The following KIF26B variants were observed in gnomAD, a reference collection of about 807,000 sequenced individuals.
KIF26B encodes the protein kinesin-like protein KIF26B.
Under a neutral mutation model 151.2 loss-of-function variants are expected in KIF26B, and 63 were observed. That is an observed-to-expected ratio of 0.42 (90% CI 0.34 to 0.51). The LOEUF is 0.51. Among genes scored for constraint, KIF26B ranks in the 20% least tolerant of loss-of-function variants. The pLI, the probability that KIF26B is intolerant of heterozygous loss-of-function variation, is 0.07. For missense variants in KIF26B, 2,813 were observed against 2,913.6 expected, an observed-to-expected ratio of 0.97 and a Z score of 0.79; for synonymous variants, 1,357 against 1,262.1, an observed-to-expected ratio of 1.08 and a Z score of -1.59.
At chr1:245,226,952 C>T (rs992967281) in intron 2 of KIF26B, among the ~76,000 whole-genome samples, 4 of 152,318 alleles carry the variant, frequency 2.6e-5, no homozygotes, top group East Asian at 1.9e-4. Context: ...GGCACCCTCA[C>T]GGACATCCAG....
chr1:245,340,247 A>G (rs1424920785), intron 2 of KIF26B, among the ~76,000 whole-genome samples: 3 of 152,226 alleles, frequency 2.0e-5, no homozygotes, highest in African/African-American at 7.2e-5. Flanking sequence ...TAACCCAGGT[A>G]CGTCCTCCGG....
chr1:245,339,976 C>T (rs1480072444), intron 2 of KIF26B, among the ~76,000 whole-genome samples: 7 of 152,252 alleles, frequency 4.6e-5, no homozygotes, highest in Admixed American at 1.3e-4. Context: ...GGGGTTTGAA[C>T]AACCTCCCTA....
intron 2 of KIF26B, among the ~76,000 whole-genome samples, chr1:245,160,765 AG>A (rs1668518225): frequency 6.6e-6 from 1 of 152,212 alleles, no homozygotes; most frequent in African/African-American, 2.4e-5. Context: ...CATACTGAGA[AG>A]GGTGGCCAGG....
At chr1:245,466,473 G>A (rs1659795515) in intron 4 of KIF26B, among the ~76,000 whole-genome samples, 1 of 152,198 alleles carries the variant, frequency 6.6e-6, no homozygotes, top group African/African-American at 2.4e-5. Flanking sequence ...GATTTACAAG[G>A]TAAATCAAAG....
intron 2 of KIF26B, among the ~76,000 whole-genome samples, chr1:245,362,079 G>A (rs1374540084): frequency 6.6e-6 from 1 of 151,720 alleles, no homozygotes; most frequent in East Asian, 1.9e-4. Flanking sequence ...GCAAACTCCT[G>A]CTGTGTAGAT....
At chr1:245,324,432 G>A (rs1035641709) in intron 2 of KIF26B, among the ~76,000 whole-genome samples, 1 of 152,168 alleles carries the variant, frequency 6.6e-6, no homozygotes, top group Non-Finnish European at 1.5e-5. Context: ...ACAATAAACA[G>A]TCAAAATGTT....
intron 4 of KIF26B, among the ~76,000 whole-genome samples, chr1:245,466,178 G>A (rs1014006467): frequency 5.3e-5 from 5 of 93,698 alleles, no homozygotes; most frequent in African/African-American, 9.7e-5. Flanking sequence ...GATTTAGATC[G>A]ATGGGAATGT....
chr1:245,171,947 T>C (rs942510686), intron 2 of KIF26B, among the ~76,000 whole-genome samples: 2 of 152,204 alleles, frequency 1.3e-5, no homozygotes, highest in African/African-American at 2.4e-5. Flanking sequence ...AATGTGAGTA[T>C]CCAAGCTCCC....
chr1:245,510,284 C>T (rs1344132192), intron 4 of KIF26B, among the ~76,000 whole-genome samples: 1 of 152,154 alleles, frequency 6.6e-6, no homozygotes, highest in African/African-American at 2.4e-5. Flanking sequence ...TAGACAATTT[C>T]ACTTAGAAAA....
rs574952928 is a variant in KIF26B at position 245,698,330 on chromosome 1, C to G, written c.6027+22C>G. ...CAAGGTGAGGCAGCCTCCTTCCCAC[C>G]CCCTGCCTACGTGGTGGCAGCTCCC... On this transcript the variant is annotated intron_variant, in intron 13 of 14. Coordinates refer to ENST00000407071, the MANE Select transcript of KIF26B (RefSeq NM_018012.4). The surrounding 1 kb of genome is among the most constrained non-coding windows in gnomAD (Gnocchi z 4.0). 1 of 1,603,808 alleles carries G rather than the reference C, an allele frequency of 6.2e-7. No individual in the cohort carries two copies. Among genetic ancestry groups the G allele is most frequent in the East Asian group, 2.2e-5 (1 of 44,774 alleles).
intron 10 of KIF26B, among the ~76,000 whole-genome samples, chr1:245,665,316 C>G (rs2044200547): frequency 6.6e-6 from 1 of 152,174 alleles, no homozygotes; most frequent in Non-Finnish European, 1.5e-5. Context: ...ATTTAGATGA[C>G]TTGTTTCCAA....
In KIF26B at chr1:245,507,509, G is replaced by A. The variant is rs535917245; in HGVS notation, c.1167-33258G>A. 6.4e-4 allele frequency among the ~76,000 whole-genome samples: 97 copies of A among 152,338 alleles called. 1 individual carries two copies. Among genetic ancestry groups the A allele is most frequent in the Middle Eastern group, 3.4e-3 (1 of 292 alleles). ...AGTCTTTGGATGTGAACCACCTTGGGAAGGGCAGGCCCTTGGCCTTCTGCA... is the reference window on the plus strand; with the variant it reads ...AGTCTTTGGATGTGAACCACCTTGGAAAGGGCAGGCCCTTGGCCTTCTGCA... On this transcript the variant is annotated intron_variant, in intron 4 of 14. Coordinates refer to ENST00000407071, the MANE Select transcript of KIF26B (RefSeq NM_018012.4).
chr1:245,520,512 TCATC>T (rs72448876), intron 4 of KIF26B, among the ~76,000 whole-genome samples: 55 of 149,700 alleles, frequency 3.7e-4, no homozygotes, highest in Non-Finnish European at 4.6e-4. Context: ...CACAATCTAT[TCATC>T]CATCCATCCA....
chr1:245,411,784 T>C (rs1173336118), intron 3 of KIF26B, among the ~76,000 whole-genome samples: 1 of 152,152 alleles, frequency 6.6e-6, no homozygotes, highest in Non-Finnish European at 1.5e-5. Context: ...GACTCATACA[T>C]AGAAAGGGAC....
intron 2 of KIF26B, among the ~76,000 whole-genome samples, chr1:245,303,223 G>C (rs1398951979): frequency 7.4e-6 from 1 of 135,012 alleles, no homozygotes; most frequent in Non-Finnish European, 1.5e-5. Context: ...TTTTGCGACG[G>C]AGTCTCGCTT....
intron 14 of KIF26B, 132 bp downstream of exon 14, chr1:245,699,169 G>A (rs2044735623): frequency 1.0e-6 from 1 of 981,188 alleles, no homozygotes; most frequent in Non-Finnish European, 1.5e-6. Context: ...ATCAAATGGA[G>A]GAAGTTGCAC....
intron 4 of KIF26B, among the ~76,000 whole-genome samples, chr1:245,513,388 G>A (rs1660880767): frequency 6.6e-6 from 1 of 152,132 alleles, no homozygotes; most frequent in Non-Finnish European, 1.5e-5. Context: ...AAATACTAGA[G>A]TCAAGGTGAA....
At chr1:245,464,466 C>G (rs1025627286) in intron 4 of KIF26B, among the ~76,000 whole-genome samples, 1 of 123,780 alleles carries the variant, frequency 8.1e-6, no homozygotes, top group Non-Finnish European at 1.7e-5. Context: ...TGTGTGCGTG[C>G]GCGTGTGGGG....
intron 4 of KIF26B, among the ~76,000 whole-genome samples, chr1:245,519,894 A>C (rs1661051510): frequency 6.6e-6 from 1 of 152,196 alleles, no homozygotes; most frequent in Non-Finnish European, 1.5e-5. Flanking sequence ...GCATGACTGT[A>C]TTTGGTTTAG....
Sources: gnomAD v4.1 joint callset for allele counts (sites outside exome capture counted in the v4.1 genomes callset) on GRCh38, gnomAD v4.1.1 for gene constraint, Gnocchi (gnomAD v3.1) non-coding constraint, MANE v1.5 for transcripts, NCBI Gene and HGNC (gene_info 2026-07-23, HGNC 2026-07-21) for gene names.